Variants in PRDM15 observed in about 807,000 individuals in gnomAD.
The protein encoded by PRDM15 is PR/SET domain 15, also known as PR domain zinc finger protein 15.
PRDM15 carries 64 observed loss-of-function variants against 128.6 expected under a neutral mutation model. That is an observed-to-expected ratio of 0.50 (90% CI 0.41 to 0.61). PRDM15 has a LOEUF of 0.61. Among genes scored for constraint, PRDM15 ranks in the 20% least tolerant of loss-of-function variants. The probability of loss-of-function intolerance (pLI) is 0.00; values close to 1 mark genes in which losing one functional copy is unlikely to be tolerated. For synonymous variants in PRDM15, 615 were observed against 621.8 expected, an observed-to-expected ratio of 0.99 and a Z score of 0.16; for missense variants, 1,242 against 1,569.1, an observed-to-expected ratio of 0.79 and a Z score of 3.52.
Position 41,854,482 on chromosome 21 carries a change from G to T in PRDM15, c.538+84C>A, listed in dbSNP as rs1255838676. On this transcript the variant is annotated intron_variant, in intron 5 of 23. Coordinates refer to ENST00000398548, the MANE Select transcript of PRDM15 (RefSeq NM_001040424.3). This position sits in a 1 kb window ranked among gnomAD's most constrained non-coding sequence, Gnocchi z 4.6. ...CCAGCCCAACCCATCTCATCAGTGT[G>T]GGGTCAGCACAGAGCCAAGGGACCA... 9 of 1,527,810 alleles carry T rather than the reference G, an allele frequency of 5.9e-6. No homozygotes were observed. The African/African-American group carries it at 1.1e-4, about 18-fold the overall frequency. The allele number at this position is 1,527,810 out of a possible 1,614,324, so 94.6% of individuals were successfully genotyped here.
In PRDM15 at chr21:41,820,188, C is replaced by A. The variant is rs1468834756; in HGVS notation, c.2061-14G>T. Reference sequence around the variant, plus strand: ...GGGTGGATGTACCTGAAACCAGAGACAAGCTCAGGATGGCCGCACAGCCTC... The same window carrying A: ...GGGTGGATGTACCTGAAACCAGAGAAAAGCTCAGGATGGCCGCACAGCCTC... On this transcript the variant is annotated splice_polypyrimidine_tract_variant and intron_variant, in intron 16 of 23. Transcript: ENST00000398548. 6.2e-7 allele frequency: 1 copy of A among 1,612,130 alleles called. No homozygotes were observed. Among genetic ancestry groups the A allele is most frequent in the Admixed American group, 1.7e-5 (1 of 59,956 alleles).
Position 41,826,041 on chromosome 21 carries a change from C to A in PRDM15, c.1548G>T (p.Val516=). The A allele has an allele frequency of 6.2e-7, 1 of 1,614,094 alleles. No individual in the cohort carries two copies. Among genetic ancestry groups the A allele is most frequent in the Non-Finnish European group, 8.5e-7 (1 of 1,179,940 alleles). ...CACCGGCCTCCAGGTCCTCTCGCTTCACTCGCCGCACTCCTGAAATTGCCA... is the reference window on the plus strand; with the variant it reads ...CACCGGCCTCCAGGTCCTCTCGCTTAACTCGCCGCACTCCTGAAATTGCCA... ...QRRHLEGVRR[V]KREDLEAGGE... The change falls in exon 13 of 24, where the codon GTG becomes GTT. Residue 516 remains valine, a synonymous_variant. Coordinates refer to ENST00000398548, the MANE Select transcript of PRDM15 (RefSeq NM_001040424.3).
At chr21:41,806,700 C>A (rs1164884772) in intron 21 of PRDM15, among the ~76,000 whole-genome samples, 10 of 40,384 alleles carry the variant, frequency 2.5e-4, no homozygotes, top group South Asian at 1.7e-3. Context: ...CACCACCACC[C>A]ATCACTACCA....
At chr21:41,876,599 G>A (rs925172107) in intron 1 of PRDM15, among the ~76,000 whole-genome samples, 18 of 152,108 alleles carry the variant, frequency 1.2e-4, no homozygotes, top group Admixed American at 5.2e-4. Context: ...GGCCATGACT[G>A]CAAGAGGAGG....
In PRDM15 at chr21:41,859,801, G is replaced by T. The variant is rs2063754438; in HGVS notation, c.38-116C>A. 1 of 793,274 alleles carries T rather than the reference G, an allele frequency of 1.3e-6. No homozygotes were observed. Among genetic ancestry groups the T allele is most frequent in the Non-Finnish European group, 2.1e-6 (1 of 476,596 alleles). 49.1% of individuals were successfully genotyped at this position (793,274 alleles called of 1,614,324 possible). On this transcript the variant is annotated intron_variant, in intron 2 of 23. Coordinates refer to ENST00000398548, the MANE Select transcript of PRDM15 (RefSeq NM_001040424.3). This position sits in a 1 kb window ranked among gnomAD's most constrained non-coding sequence, Gnocchi z 5.3. Reference sequence around the variant, plus strand: ...GGTGACCCAGAGTCATGAGACACATGCATGCCGACACTGCAAAGACAAGCA... The same window carrying T: ...GGTGACCCAGAGTCATGAGACACATTCATGCCGACACTGCAAAGACAAGCA...
chr21:41,830,828 GCTCCGCCCAGGACAC>G (rs1482091214), intron 11 of PRDM15, among the ~76,000 whole-genome samples: 12 of 152,194 alleles, frequency 7.9e-5, no homozygotes, highest in African/African-American at 2.9e-4. Context: ...TGTGGTTTCG[GCTCCGCCCAGGACAC>G]TGACAGCCCC....
intron 11 of PRDM15, among the ~76,000 whole-genome samples, chr21:41,830,304 A>C (rs917924681): frequency 0.018 from 2,735 of 151,026 alleles, 91 homozygotes; most frequent in African/African-American, 0.062. Context: ...TACATGCCCC[A>C]CACAACACAT....
chr21:41,835,199 G>A (rs939933655), intron 11 of PRDM15, among the ~76,000 whole-genome samples: 7 of 152,180 alleles, frequency 4.6e-5, no homozygotes, highest in African/African-American at 1.4e-4. Flanking sequence ...GGGGCCATAC[G>A]CAGCTCGGCT....
chr21:41,862,577 G>A lies in PRDM15; in HGVS notation c.-9-2205C>T, dbSNP rs1471603163. Reference sequence around the variant, plus strand: ...GCACTCTGATTCTATGTAAATGTCCGAGTCCTGGCAATAAGGGTCCCGATT... The same window carrying A: ...GCACTCTGATTCTATGTAAATGTCCAAGTCCTGGCAATAAGGGTCCCGATT... On this transcript the variant is annotated intron_variant, in intron 1 of 23. Coordinates refer to ENST00000398548, the MANE Select transcript of PRDM15 (RefSeq NM_001040424.3). This position sits in a 1 kb window ranked among gnomAD's most constrained non-coding sequence, Gnocchi z 4.1. Among the ~76,000 whole-genome samples the A allele has an allele frequency of 6.6e-6, 1 of 152,164 alleles. No homozygotes were observed. The highest frequency in any genetic ancestry group is 1.9e-4 in the East Asian group (1 of 5,194).
chr21:41,878,773 C>CG (rs1211894955), intron 1 of PRDM15: 2 of 1,450,020 alleles, frequency 1.4e-6, no homozygotes, highest in Admixed American at 2.3e-5. Flanking sequence ...TACCCGAGGG[C>CG]GGGGGATAAC....
rs1569002340 is a variant in PRDM15, at chr21:41,859,565, G to C, written c.131+27C>G. The C allele has an allele frequency of 2.5e-6, 4 of 1,590,334 alleles. No individual in the cohort carries two copies. Among genetic ancestry groups the C allele is most frequent in the Non-Finnish European group, 2.6e-6 (3 of 1,159,536 alleles). On this transcript the variant is annotated intron_variant, in intron 3 of 23. Coordinates refer to ENST00000398548, the MANE Select transcript of PRDM15 (RefSeq NM_001040424.3). This position sits in a 1 kb window ranked among gnomAD's most constrained non-coding sequence, Gnocchi z 5.3. ...TCCTGCCGCAGCTGGCATATGGAAG[G>C]CCCGGGAGCTCACGGCGGTCACTCA...
At position 41,821,227 on chromosome 21, in the gene PRDM15, T is replaced by A; in HGVS notation, c.1900A>T (p.Thr634Ser). The change falls in exon 16 of 24, where the codon ACC becomes TCC. Residue 634 changes from threonine to serine, a missense_variant. Physicochemically the swap from Thr to Ser is moderately conservative, Grantham distance 58 (BLOSUM62 1). Coordinates refer to ENST00000398548, the MANE Select transcript of PRDM15 (RefSeq NM_001040424.3). This position sits in a 1 kb window ranked among gnomAD's most constrained non-coding sequence, Gnocchi z 5.4. ...AGGTACTCCTTCCCCCGGCCGAAGG[T>A]GAGCTGCGGGCCAGGTGGACAGGGC... The part of the protein sequence containing the change: ...HKYSCKRCQL[T>S]FGRGKEYLKH... 1 of 1,614,008 alleles carries A rather than the reference T, an allele frequency of 6.2e-7. No individual in the cohort carries two copies. The highest frequency in any genetic ancestry group is 8.5e-7 in the Non-Finnish European group (1 of 1,180,010).
At chr21:41,809,242 T>C (rs2061781835) in intron 21 of PRDM15, among the ~76,000 whole-genome samples, 1 of 151,110 alleles carries the variant, frequency 6.6e-6, no homozygotes, top group Admixed American at 6.6e-5. Context: ...TTCTTTTTTT[T>C]TTTTTTTTGA....
Position 41,836,178 on chromosome 21 carries a change from C to T in PRDM15, c.1213G>A (p.Ala405Thr), listed in dbSNP as rs762573727. The change falls in exon 10 of 24, where the codon GCA (alanine) becomes ACA (threonine). Residue 405 changes from alanine to threonine, a missense_variant. Around this residue, in one of 3 missense-constraint regions of PRDM15, gnomAD observed 612 missense variants for 717.0 expected, o/e 0.85. Transcript: ENST00000398548. ...CTCTCTTTGCGGCTGAACAATTTTG[C>T]ACACTCTTCGCACTTAAACAGCTTG... ...GDKLFKCEEC[A>T]KLFSRKESLK... 1.5e-4 allele frequency: 237 copies of T among 1,613,956 alleles called. 1 individual carries two copies. The highest frequency in any genetic ancestry group is 2.8e-4 in the Admixed American group (17 of 59,994).
chr21:41,813,193 A>C (rs1425994914), intron 19 of PRDM15: 2 of 152,252 alleles, frequency 1.3e-5, no homozygotes, highest in Non-Finnish European at 2.9e-5. Context: ...AAAGGCACTT[A>C]ACTCAGTCCT....
chr21:41,874,523 A>AT lies in PRDM15; in HGVS notation c.-10+4746dup, dbSNP rs879505958. 9.1e-3 allele frequency among the ~76,000 whole-genome samples: 718 copies of AT among 78,700 alleles called. 15 individuals carry two copies. The highest frequency in any genetic ancestry group is 0.035 in the South Asian group (71 of 2,048). 51.6% of individuals were successfully genotyped at this position (78,700 alleles called of 152,430 possible). A position where few individuals can be genotyped will look rare whatever the true frequency, so the allele number is the denominator to read the frequency against. ...CATGCATATATATATATATATATAT[A>AT]TATTTTTTTTTTTTTTTGAAACTTA... On this transcript the variant is annotated intron_variant, in intron 1 of 23. Coordinates refer to ENST00000398548, the MANE Select transcript of PRDM15 (RefSeq NM_001040424.3).
chr21:41,858,369 T>C (rs916132320), intron 3 of PRDM15, among the ~76,000 whole-genome samples: 1 of 150,450 alleles, frequency 6.6e-6, no homozygotes, highest in African/African-American at 2.5e-5. Flanking sequence ...GAGGCGGACA[T>C]TGGGTGCCCA....
intron 8 of PRDM15, 94 bp from the exon 9 acceptor site, chr21:41,836,743 C>T (rs1285714879): frequency 1.9e-6 from 2 of 1,042,756 alleles, no homozygotes; most frequent in Non-Finnish European, 2.9e-6. Flanking sequence ...CAAAACTTCC[C>T]AGCTAATCCC....
chr21:41,865,136 CCACTCCCCACTCCCCGGCT>C (rs1326770330), intron 1 of PRDM15, among the ~76,000 whole-genome samples: 17 of 96,322 alleles, frequency 1.8e-4, no homozygotes, highest in African/African-American at 6.5e-4. Flanking sequence ...TCCTCAGTCC[CCACTCCCCACTCCCCGGCT>C]CACTCCTCAC....
Sources: gnomAD v4.1 joint callset for allele counts (sites outside exome capture counted in the v4.1 genomes callset) on GRCh38, gnomAD v4.1.1 for gene constraint, gnomAD v4.1.1 regional missense constraint, Gnocchi (gnomAD v3.1) non-coding constraint, MANE v1.5 for transcripts, NCBI Gene and HGNC (gene_info 2026-07-23, HGNC 2026-07-21) for gene names.